The following SPATA6 variants were observed in gnomAD, a reference collection of about 807,000 sequenced individuals.
The protein encoded by SPATA6 is spermatogenesis-associated protein 6.
Under a neutral mutation model 65.3 loss-of-function variants are expected in SPATA6, and 56 were observed. The observed-to-expected ratio is 0.86, with a 90% CI of 0.69 to 1.07. The LOEUF (loss-of-function observed/expected upper bound fraction) is 1.07, where lower values mean the gene tolerates loss of function less well. Among genes scored for constraint, SPATA6 ranks in the 50% least tolerant of loss-of-function variants. The pLI, the probability that SPATA6 is intolerant of heterozygous loss-of-function variation, is 0.00. For missense variants in SPATA6, 590 were observed against 594.8 expected (o/e 0.99, Z 0.08); for synonymous variants, 199 against 213.2 (o/e 0.93, Z 0.58).
intron 3 of SPATA6, among the ~76,000 whole-genome samples, chr1:48,443,683 C>T (rs987500156): frequency 5.3e-5 from 8 of 152,178 alleles, no homozygotes; most frequent in Admixed American, 2.0e-4. Flanking sequence ...TGCCACCCGG[C>T]GTTTACAGGA....
intron 6 of SPATA6, among the ~76,000 whole-genome samples, chr1:48,401,221 C>G (rs904970644): frequency 6.6e-6 from 1 of 152,024 alleles, no homozygotes; most frequent in Non-Finnish European, 1.5e-5. Flanking sequence ...TTTTTAATAT[C>G]TCTTACCTCC....
At chr1:48,357,348 G>C (rs1646689435) in intron 10 of SPATA6, among the ~76,000 whole-genome samples, 1 of 152,008 alleles carries the variant, frequency 6.6e-6, no homozygotes, top group South Asian at 2.1e-4. Context: ...AACTTTACTG[G>C]AGGAATTTCT....
At chr1:48,313,882 G>T (rs1005073959) in intron 11 of SPATA6, among the ~76,000 whole-genome samples, 1 of 152,072 alleles carries the variant, frequency 6.6e-6, no homozygotes, top group African/African-American at 2.4e-5. Context: ...AAAGGCAGGG[G>T]TTGCAATCCC....
chr1:48,454,230 C>G (rs2148163778), intron 1 of SPATA6, among the ~76,000 whole-genome samples: 1 of 152,158 alleles, frequency 6.6e-6, no homozygotes, highest in East Asian at 1.9e-4. Flanking sequence ...ATATTAAAGG[C>G]TCTCTAAGAT....
At chr1:48,395,179 A>T (rs1274433177) in intron 8 of SPATA6, 88 bp downstream of exon 8, 18 of 978,586 alleles carry the variant, frequency 1.8e-5, no homozygotes, top group Non-Finnish European at 2.2e-5. Flanking sequence ...TGTAACAAAG[A>T]TTCTGTTTTT....
intron 1 of SPATA6, among the ~76,000 whole-genome samples, chr1:48,459,489 T>C (rs1412727541): frequency 6.6e-6 from 1 of 152,040 alleles, no homozygotes; most frequent in African/African-American, 2.4e-5. Flanking sequence ...TCAAAGTAAA[T>C]AAAGCAAAAA....
chr1:48,392,045 C>CTGT (rs778047402), intron 8 of SPATA6, among the ~76,000 whole-genome samples: 2 of 152,116 alleles, frequency 1.3e-5, no homozygotes, highest in South Asian at 4.1e-4. Flanking sequence ...ACTAATGAGG[C>CTGT]TGTCCATGAT....
At chr1:48,428,829 GTA>G (rs1182398382) in intron 3 of SPATA6, among the ~76,000 whole-genome samples, 4 of 136,542 alleles carry the variant, frequency 2.9e-5, no homozygotes, top group East Asian at 4.2e-4. Flanking sequence ...ATATATGTGT[GTA>G]TATATATGTG....
At chr1:48,389,450 C>T (rs746955297) in intron 8 of SPATA6, among the ~76,000 whole-genome samples, 1 of 152,024 alleles carries the variant, frequency 6.6e-6, no homozygotes, top group Non-Finnish European at 1.5e-5. Flanking sequence ...TAAGCAGATA[C>T]AATGCAAAAA....
chr1:48,450,413 T>C (rs1656458127), intron 3 of SPATA6, among the ~76,000 whole-genome samples: 1 of 151,870 alleles, frequency 6.6e-6, no homozygotes, highest in African/African-American at 2.4e-5. Flanking sequence ...GTACTCTTCT[T>C]ATAGCCTCAA....
At chr1:48,362,314 G>C (rs1347214808) in intron 9 of SPATA6, among the ~76,000 whole-genome samples, 1 of 151,992 alleles carries the variant, frequency 6.6e-6, no homozygotes, top group Non-Finnish European at 1.5e-5. Context: ...TCACACTGTT[G>C]TTTCTAGAAT....
intron 1 of SPATA6, among the ~76,000 whole-genome samples, chr1:48,453,540 TA>T (rs143959478): frequency 0.057 from 8,707 of 152,226 alleles, 367 homozygotes; most frequent in African/African-American, 0.11. Context: ...AAAACGCTGA[TA>T]AAAACCACAA....
At chr1:48,327,144 C>T (rs1645785609) in intron 11 of SPATA6, among the ~76,000 whole-genome samples, 1 of 151,980 alleles carries the variant, frequency 6.6e-6, no homozygotes. Flanking sequence ...ACAACTCCCA[C>T]ACACACTAAA....
At chr1:48,444,809 GAAGT>G (rs1655860519) in intron 3 of SPATA6, among the ~76,000 whole-genome samples, 1 of 152,126 alleles carries the variant, frequency 6.6e-6, no homozygotes, top group Non-Finnish European at 1.5e-5. Context: ...CTTCATTCTT[GAAGT>G]CAGCGAGACC....
chr1:48,326,778 C>T (rs1020563504), intron 11 of SPATA6, among the ~76,000 whole-genome samples: 14 of 152,004 alleles, frequency 9.2e-5, no homozygotes, highest in East Asian at 5.8e-4. Context: ...CAATGAATAG[C>T]GCTGGGAGAA....
intron 9 of SPATA6, among the ~76,000 whole-genome samples, chr1:48,381,678 A>ATTTTTT (rs1373865188): frequency 2.7e-5 from 1 of 37,710 alleles, no homozygotes; most frequent in African/African-American, 9.0e-5. Flanking sequence ...GAATAGTTAA[A>ATTTTTT]TTTTTTTTCT....
intron 9 of SPATA6, among the ~76,000 whole-genome samples, chr1:48,381,909 T>TAAC (rs1181751014): frequency 8.0e-6 from 1 of 125,584 alleles, no homozygotes; most frequent in Non-Finnish European, 1.6e-5. Flanking sequence ...TGATGACTCT[T>TAAC]AACGAGCATG....
intron 1 of SPATA6, among the ~76,000 whole-genome samples, chr1:48,460,917 A>C (rs1657382425): frequency 6.6e-6 from 1 of 152,028 alleles, no homozygotes; most frequent in African/African-American, 2.4e-5. Context: ...TTAAAAAAAA[A>C]GCATTTAGGA....
At chr1:48,430,157 A>G (rs965940443) in intron 3 of SPATA6, among the ~76,000 whole-genome samples, 1 of 152,178 alleles carries the variant, frequency 6.6e-6, no homozygotes, top group African/African-American at 2.4e-5. Context: ...AAACTCCAAG[A>G]AAGATGAATA....
Sources: gnomAD v4.1 joint callset for allele counts (sites outside exome capture counted in the v4.1 genomes callset) on GRCh38, gnomAD v4.1.1 for gene constraint, MANE v1.5 for transcripts, NCBI Gene and HGNC (gene_info 2026-07-23, HGNC 2026-07-21) for gene names.